CSMD1: variants seen among roughly 807,000 people sequenced by gnomAD.
CSMD1 encodes CUB and sushi domain-containing protein 1.
In CSMD1, 213 loss-of-function variants were observed where a neutral mutation model predicts 417.5. The observed-to-expected ratio is 0.51, with a 90% CI of 0.46 to 0.57. CSMD1 has a LOEUF of 0.57. Ranked by LOEUF, CSMD1 falls within the 20% of genes least tolerant of loss-of-function variation. The probability of loss-of-function intolerance (pLI) is 0.00; values close to 1 mark genes in which losing one functional copy is unlikely to be tolerated. For missense variants in CSMD1, 6,923 were observed against 4,529.7 expected (o/e 1.53, Z -15.17); for synonymous variants, 2,862 against 1,736.8 (o/e 1.65, Z -16.11).
At chr8:3,177,119 C>T (rs259855) in intron 37 of CSMD1, among the ~76,000 whole-genome samples, 27,296 of 152,004 alleles carry the variant, frequency 0.18, 2,521 homozygotes, top group East Asian at 0.2. Flanking sequence ...CCAGAAGAGA[C>T]GAGAGCCGCA....
intron 2 of CSMD1, among the ~76,000 whole-genome samples, chr8:4,511,298 T>G (rs1174551308): frequency 6.6e-6 from 1 of 152,156 alleles, no homozygotes; most frequent in East Asian, 1.9e-4. Flanking sequence ...GCACTCAGCC[T>G]CACCTCATCA....
At chr8:4,306,079 G>C (rs1054432167) in intron 3 of CSMD1, among the ~76,000 whole-genome samples, 2 of 152,142 alleles carry the variant, frequency 1.3e-5, no homozygotes, top group Non-Finnish European at 2.9e-5. Flanking sequence ...ATGATTGTGA[G>C]AAATGTTATA....
chr8:4,078,717 T>G (rs1480544358), intron 3 of CSMD1, among the ~76,000 whole-genome samples: 1 of 150,990 alleles, frequency 6.6e-6, no homozygotes, highest in African/African-American at 2.4e-5. Flanking sequence ...TTGTTCTCCA[T>G]AGATTGCTTT....
At chr8:3,535,405 C>T (rs1479562243) in intron 10 of CSMD1, among the ~76,000 whole-genome samples, 1 of 152,170 alleles carries the variant, frequency 6.6e-6, no homozygotes, top group Non-Finnish European at 1.5e-5. Context: ...CTGACACCTG[C>T]AGCCTGACCT....
At chr8:3,869,737 G>A (rs1376476224) in intron 5 of CSMD1, among the ~76,000 whole-genome samples, 1 of 151,526 alleles carries the variant, frequency 6.6e-6, no homozygotes, top group Non-Finnish European at 1.5e-5. Context: ...ACCCACCCCA[G>A]CAGAAGCACT....
intron 3 of CSMD1, among the ~76,000 whole-genome samples, chr8:4,092,939 T>C (rs1193570908): frequency 6.6e-6 from 1 of 152,212 alleles, no homozygotes; most frequent in African/African-American, 2.4e-5. Flanking sequence ...AATCCTTTAT[T>C]ACTCTTCCTG....
chr8:3,873,480 C>T (rs1372107117), intron 5 of CSMD1, among the ~76,000 whole-genome samples: 1 of 152,012 alleles, frequency 6.6e-6, no homozygotes, highest in African/African-American at 2.4e-5. Context: ...ACACGTTCTA[C>T]CTTCTAAGTG....
chr8:4,837,725 A>T (rs1199981872), intron 1 of CSMD1, among the ~76,000 whole-genome samples: 1 of 152,156 alleles, frequency 6.6e-6, no homozygotes, highest in Non-Finnish European at 1.5e-5. Flanking sequence ...AGTCAGTAAT[A>T]ACCGTACATT....
chr8:4,806,056 G>C (rs777921630), intron 1 of CSMD1, among the ~76,000 whole-genome samples: 3 of 152,146 alleles, frequency 2.0e-5, no homozygotes, highest in Non-Finnish European at 4.4e-5. Context: ...CGGAAACCCG[G>C]ATTTTCGGTG....
intron 41 of CSMD1, among the ~76,000 whole-genome samples, chr8:3,134,607 A>C (rs1174550596): frequency 6.6e-6 from 1 of 152,198 alleles, no homozygotes. Flanking sequence ...TGTTCTTTTT[A>C]AACTGACTTC....
At position 3,586,138 on chromosome 8, in the gene CSMD1, C is replaced by T. The variant is rs372522595; in HGVS notation, c.1220G>A (p.Arg407Gln). 3.7e-5 allele frequency: 60 copies of T among 1,611,238 alleles called. No homozygotes were observed. Among genetic ancestry groups the T allele is most frequent in the South Asian group, 5.5e-5 (5 of 90,446 alleles). Residue 407 changes from arginine (R) to glutamine (Q), a missense_variant and splice_region_variant, in exon 9 of 70, where the codon CGA becomes CAA. Physicochemically the swap from Arg to Gln is conservative, Grantham distance 43. Transcript: ENST00000635120. ...AAWSDHRPIC[R>Q]ARTCGSNLRG... ...TTTACCCACCGCAGGTGCCTTACCT[C>T]GGCAGATGGGCCTGTGGTCACTCCA...
chr8:4,600,312 A>T (rs1340361550), intron 2 of CSMD1, among the ~76,000 whole-genome samples: 2 of 152,202 alleles, frequency 1.3e-5, no homozygotes, highest in Non-Finnish European at 2.9e-5. Context: ...GCAAATATAG[A>T]GATGGGTAGA....
chr8:4,862,818 A>G (rs554856078), intron 1 of CSMD1, among the ~76,000 whole-genome samples: 2 of 152,194 alleles, frequency 1.3e-5, no homozygotes, highest in East Asian at 3.9e-4. Context: ...TGGGGTAGCT[A>G]GAAAGTTGAA....
At chr8:4,323,450 C>T (rs150921728) in intron 3 of CSMD1, among the ~76,000 whole-genome samples, 1 of 151,546 alleles carries the variant, frequency 6.6e-6, no homozygotes, top group Non-Finnish European at 1.5e-5. Context: ...TCAAAGTAAC[C>T]ATTCACAACA....
intron 1 of CSMD1, among the ~76,000 whole-genome samples, chr8:4,964,784 A>C (rs1366812392): frequency 6.6e-6 from 1 of 152,132 alleles, no homozygotes; most frequent in Admixed American, 6.6e-5. Context: ...TGTGAATGAA[A>C]TTGTTCTTTT....
chr8:3,882,413 T>G (rs1806267933), intron 5 of CSMD1, among the ~76,000 whole-genome samples: 1 of 152,190 alleles, frequency 6.6e-6, no homozygotes, highest in Non-Finnish European at 1.5e-5. Flanking sequence ...ACCTGCCAAA[T>G]GTTGGTTATG....
At chr8:3,467,604 A>C (rs547567297) in intron 12 of CSMD1, among the ~76,000 whole-genome samples, 35 of 152,270 alleles carry the variant, frequency 2.3e-4, no homozygotes, top group Non-Finnish European at 3.4e-4. Context: ...GTGTGTCAGC[A>C]AGGAGGGACC....
intron 5 of CSMD1, among the ~76,000 whole-genome samples, chr8:3,829,408 G>T (rs760185014): frequency 6.6e-6 from 1 of 152,126 alleles, no homozygotes; most frequent in Non-Finnish European, 1.5e-5. Context: ...ACCTACAACA[G>T]TCAGAATGAG....
At chr8:4,677,235 G>T (rs1415956074) in intron 1 of CSMD1, among the ~76,000 whole-genome samples, 1 of 150,922 alleles carries the variant, frequency 6.6e-6, no homozygotes, top group Non-Finnish European at 1.5e-5. Context: ...TAATGCTCAG[G>T]GAATTTTAGA....
Sources: gnomAD v4.1 joint callset for allele counts (sites outside exome capture counted in the v4.1 genomes callset) on GRCh38, gnomAD v4.1.1 for gene constraint, MANE v1.5 for transcripts, NCBI Gene and HGNC (gene_info 2026-07-23, HGNC 2026-07-21) for gene names.